The following SNRK variants were observed in gnomAD, a reference collection of about 807,000 sequenced individuals.
SNRK encodes SNF related kinase.
A neutral mutation model predicts 48.2 loss-of-function variants in SNRK; 3 were observed. The ratio of observed to expected loss-of-function variants is 0.06; its 90% CI spans 0.03 to 0.16. The LOEUF is 0.16. SNRK is among the 10% of genes least tolerant of loss of function. The pLI is 1.00. For missense variants in SNRK, 627 were observed against 976.0 expected (o/e 0.64, Z 4.76); for synonymous variants, 376 against 366.1 (o/e 1.03, Z -0.31).
intron 4 of SNRK, among the ~76,000 whole-genome samples, chr3:43,335,275 T>A (rs2091177792): frequency 6.6e-6 from 1 of 152,188 alleles, no homozygotes; most frequent in Non-Finnish European, 1.5e-5. Flanking sequence ...TGATTTATAG[T>A]CCTTTTGTTA....
chr3:43,340,156 G>A lies in SNRK; in HGVS notation c.732-131G>A, dbSNP rs1161740627. 4.1e-6 allele frequency: 3 copies of A among 726,498 alleles called. No homozygotes were observed. In the African/African-American group the frequency reaches 5.3e-5, roughly 13 times the overall value. 45.0% of individuals were successfully genotyped at this position (726,498 alleles called of 1,614,324 possible). On this transcript the variant is annotated intron_variant, in intron 4 of 6. Transcript: ENST00000296088. ...CACTAAATTTTTATTATTCCCATCT[G>A]CCCCACTGCCACCACTAGTGCACCT... is the stretch of plus-strand genomic sequence containing the variant.
intron 1 of SNRK, among the ~76,000 whole-genome samples, chr3:43,295,094 G>A (rs73831242): frequency 0.027 from 4,093 of 152,226 alleles, 188 homozygotes; most frequent in African/African-American, 0.091. Flanking sequence ...TCATCACTTT[G>A]ACCAAGAGGC....
At chr3:43,321,830 G>C (rs535326778) in intron 3 of SNRK, among the ~76,000 whole-genome samples, 1 of 152,348 alleles carries the variant, frequency 6.6e-6, no homozygotes, top group Admixed American at 6.5e-5. Context: ...TTTGATGGAA[G>C]ATAAGATGGA....
At chr3:43,325,115 C>T (rs531070099) in intron 3 of SNRK, among the ~76,000 whole-genome samples, 197 of 152,258 alleles carry the variant, frequency 1.3e-3, no homozygotes, top group African/African-American at 4.6e-3. Flanking sequence ...CTTGTATATT[C>T]ATCTTATGTT....
chr3:43,304,652 T>C (rs934548791), intron 3 of SNRK, among the ~76,000 whole-genome samples: 1 of 152,170 alleles, frequency 6.6e-6, no homozygotes, highest in East Asian at 1.9e-4. Context: ...CTTTTTAATT[T>C]GTTAATCTTG....
chr3:43,288,819 TAG>T (rs935719973), intron 1 of SNRK, among the ~76,000 whole-genome samples: 2 of 152,236 alleles, frequency 1.3e-5, no homozygotes, highest in African/African-American at 4.8e-5. Context: ...TGCTTAAAGA[TAG>T]AGTGTTTATA....
At chr3:43,317,621 A>C (rs189411817) in intron 3 of SNRK, among the ~76,000 whole-genome samples, 1 of 151,692 alleles carries the variant, frequency 6.6e-6, no homozygotes, top group Non-Finnish European at 1.5e-5. Context: ...TCCTCTCACT[A>C]CCTTCCTGGT....
intron 1 of SNRK, among the ~76,000 whole-genome samples, chr3:43,296,413 G>T (rs2090852882): frequency 6.6e-5 from 1 of 15,144 alleles, no homozygotes; most frequent in African/African-American, 2.1e-4. Context: ...TGGATATACT[G>T]GCATATATAT....
intron 3 of SNRK, among the ~76,000 whole-genome samples, chr3:43,308,873 A>C (rs1260944643): frequency 6.6e-6 from 1 of 152,238 alleles, no homozygotes; most frequent in Admixed American, 6.5e-5. Context: ...ATCTGGGCAA[A>C]GTAAGTTGAA....
chr3:43,312,055 C>T (rs1025387812), intron 3 of SNRK, among the ~76,000 whole-genome samples: 4 of 152,088 alleles, frequency 2.6e-5, no homozygotes, highest in Non-Finnish European at 5.9e-5. Flanking sequence ...TTGGGAACTT[C>T]GCCATCTCAC....
In SNRK at chr3:43,347,021, A is replaced by G. The variant is rs1419285697; in HGVS notation, c.1080-318A>G. On this transcript the variant is annotated intron_variant, in intron 6 of 6. Transcript: ENST00000296088. The surrounding 1 kb of genome is among the most constrained non-coding windows in gnomAD (Gnocchi z 5.4). Reference sequence around the variant, plus strand: ...AGGTTTTGCTTTGCCAATAACCTCCATGGGCTTCTAAAAAATGTTTAGTAT... The same window carrying G: ...AGGTTTTGCTTTGCCAATAACCTCCGTGGGCTTCTAAAAAATGTTTAGTAT... The G allele has an allele frequency of 8.9e-6, 2 of 224,924 alleles. No individual in the cohort carries two copies. Among genetic ancestry groups the G allele is most frequent in the African/African-American group, 2.3e-5 (1 of 44,116 alleles). 13.9% of individuals were successfully genotyped at this position (224,924 alleles called of 1,614,324 possible). A position where few individuals can be genotyped will look rare whatever the true frequency, so the allele number is the denominator to read the frequency against.
chr3:43,338,326 G>A (rs976746454), intron 4 of SNRK, among the ~76,000 whole-genome samples: 1 of 152,198 alleles, frequency 6.6e-6, no homozygotes, highest in African/African-American at 2.4e-5. Flanking sequence ...TGTTATTTAT[G>A]CTCCTAAAAG....
chr3:43,335,805 G>A (rs893562637), intron 4 of SNRK, among the ~76,000 whole-genome samples: 5 of 152,162 alleles, frequency 3.3e-5, no homozygotes, highest in African/African-American at 1.2e-4. Flanking sequence ...TATCAATGAG[G>A]TAATGGCCCT....
chr3:43,290,518 C>G (rs1304049703), intron 1 of SNRK, among the ~76,000 whole-genome samples: 1 of 152,184 alleles, frequency 6.6e-6, no homozygotes, highest in Admixed American at 6.5e-5. Flanking sequence ...TTCTTGGATT[C>G]TACTTCCAAA....
chr3:43,340,708 C>T (rs1404236469), intron 5 of SNRK: 1 of 561,648 alleles, frequency 1.8e-6, no homozygotes, highest in Admixed American at 3.1e-5. Context: ...AACAAGTAAG[C>T]CATTGCTGGG....
chr3:43,330,151 G>A (rs2091135405), intron 3 of SNRK, among the ~76,000 whole-genome samples: 1 of 152,006 alleles, frequency 6.6e-6, no homozygotes, highest in Admixed American at 6.6e-5. Flanking sequence ...ATAAGTAGTC[G>A]CATTAAACAT....
At chr3:43,301,181 G>A (rs2090895270) in intron 2 of SNRK, among the ~76,000 whole-genome samples, 1 of 152,170 alleles carries the variant, frequency 6.6e-6, no homozygotes, top group African/African-American at 2.4e-5. Flanking sequence ...TATTAACATT[G>A]ACTTTTTGAA....
intron 3 of SNRK, among the ~76,000 whole-genome samples, chr3:43,308,985 T>G (rs1475273744): frequency 6.6e-6 from 1 of 152,180 alleles, no homozygotes; most frequent in Non-Finnish European, 1.5e-5. Flanking sequence ...CCAGCCCTCA[T>G]GGATGACTTC....
chr3:43,318,317 C>T (rs2091028015), intron 3 of SNRK, among the ~76,000 whole-genome samples: 1 of 151,810 alleles, frequency 6.6e-6, no homozygotes, highest in African/African-American at 2.4e-5. Context: ...AGGTTAACTT[C>T]TAAAGTAGGG....
Sources: gnomAD v4.1 joint callset for allele counts (sites outside exome capture counted in the v4.1 genomes callset) on GRCh38, gnomAD v4.1.1 for gene constraint, Gnocchi (gnomAD v3.1) non-coding constraint, MANE v1.5 for transcripts, NCBI Gene and HGNC (gene_info 2026-07-23, HGNC 2026-07-21) for gene names.